LTBP2: variants seen among roughly 807,000 people sequenced by gnomAD.
The protein encoded by LTBP2 is latent-transforming growth factor beta-binding protein 2.
A neutral mutation model predicts 210.6 loss-of-function variants in LTBP2; 103 were observed. That is an observed-to-expected ratio of 0.49 (90% CI 0.42 to 0.58). The LOEUF (loss-of-function observed/expected upper bound fraction) is 0.58, where lower values mean the gene tolerates loss of function less well. Among genes scored for constraint, LTBP2 ranks in the 20% least tolerant of loss-of-function variants. LTBP2 has a pLI of 0.00. For missense variants in LTBP2, 2,313 were observed against 2,494.5 expected (o/e 0.93, Z 1.55); for synonymous variants, 1,007 against 1,015.0 (o/e 0.99, Z 0.15).
chr14:74,524,944 C>T (rs1595252932), intron 15 of LTBP2, among the ~76,000 whole-genome samples, 180 bp downstream of exon 15: 1 of 152,328 alleles, frequency 6.6e-6, no homozygotes, highest in Admixed American at 6.5e-5. Flanking sequence ...AAGAGGGACC[C>T]TGTGTTCTTT....
intron 14 of LTBP2, 84 bp downstream of exon 14, chr14:74,525,991 T>TCA (rs2087267198): frequency 7.1e-7 from 1 of 1,403,980 alleles, no homozygotes; most frequent in African/African-American, 1.4e-5. Context: ...GTGAACCAGC[T>TCA]CACACATAGT....
At chr14:74,537,219 C>T (rs4899523) in intron 8 of LTBP2, among the ~76,000 whole-genome samples, 44,722 of 151,408 alleles carry the variant, frequency 0.3, 7,106 homozygotes, top group Middle Eastern at 0.37. Flanking sequence ...ATCTCCATTA[C>T]TTTGGAGGAA....
intron 2 of LTBP2, among the ~76,000 whole-genome samples, chr14:74,592,839 T>C (rs767682890): frequency 5.3e-5 from 8 of 152,160 alleles, no homozygotes; most frequent in Non-Finnish European, 1.0e-4. Flanking sequence ...CCCCAGCCCC[T>C]GGGACAGTAC....
intron 33 of LTBP2, 129 bp from the exon 34 acceptor site, chr14:74,503,063 C>A (rs1327827099): frequency 1.4e-6 from 2 of 1,475,778 alleles, no homozygotes; most frequent in African/African-American, 2.8e-5. Flanking sequence ...CCTCTCCCCA[C>A]CTCTCCCCTG....
rs189939559 is a variant in LTBP2 at position 74,509,063 on chromosome 14, C to G, written c.3404-111G>C. On this transcript the variant is annotated intron_variant, in intron 22 of 35. Coordinates refer to ENST00000261978, the MANE Select transcript of LTBP2 (RefSeq NM_000428.3). ...TCACCTGCCTGCAGAGCTGGACCCA[C>G]GGGGGATCATCCCCTCATGAGGCAG... 1.8e-5 allele frequency: 29 copies of G among 1,573,794 alleles called. No individual in the cohort carries two copies. The Admixed American group carries it at 2.4e-4, about 13-fold the overall frequency.
chr14:74,611,956 GC>G lies in LTBP2; in HGVS notation c.-13del, dbSNP rs1441061394. The G allele has an allele frequency of 6.4e-7, 1 of 1,562,762 alleles. No homozygotes were observed. The highest frequency in any genetic ancestry group is 8.6e-7 in the Non-Finnish European group (1 of 1,160,516). On this transcript the variant is annotated 5_prime_UTR_variant, in exon 1 of 36. Coordinates refer to ENST00000261978, the MANE Select transcript of LTBP2 (RefSeq NM_000428.3). ...GTCCGCGGCCTCATGGCGCGGGGCG[GC>G]TGGAGAGTGGTGCGCGCGGGCACCG...
In LTBP2 at chr14:74,585,984, G is replaced by C; in HGVS notation, c.700C>G (p.Leu234Val). The C allele has an allele frequency of 6.2e-7, 1 of 1,612,572 alleles. No individual in the cohort carries two copies. The highest frequency in any genetic ancestry group is 8.5e-7 in the Non-Finnish European group (1 of 1,179,430). The change falls in exon 3 of 36, where the codon CTG becomes GTG. Residue 234 changes from leucine (L) to valine (V), a missense_variant. Transcript: ENST00000261978. The part of the protein sequence containing the change: ...DEEFDPQNSR[L>V]APRRWAERSP... ...CGCTCGGCCCAGCGTCGAGGTGCCA[G>C]CCTGGAGTTCTGGGGGTCAAATTCC...
At chr14:74,558,681 T>A (rs2087758500) in intron 3 of LTBP2, among the ~76,000 whole-genome samples, 1 of 152,210 alleles carries the variant, frequency 6.6e-6, no homozygotes, top group Admixed American at 6.5e-5. Context: ...TGGTTTGTTG[T>A]CATTGTTATG....
At chr14:74,578,847 C>T (rs922805970) in intron 3 of LTBP2, among the ~76,000 whole-genome samples, 2 of 152,172 alleles carry the variant, frequency 1.3e-5, no homozygotes, top group African/African-American at 4.8e-5. Context: ...GTTCCTGGCA[C>T]CTAGGCTTTT....
chr14:74,535,842 G>C, intron 9 of LTBP2, 84 bp downstream of exon 9: 1 of 1,233,702 alleles, frequency 8.1e-7, no homozygotes, highest in Admixed American at 1.8e-5. Context: ...GAGACCACTC[G>C]GCCAGTGACA....
chr14:74,508,054 G>C lies in LTBP2; in HGVS notation c.3694C>G (p.His1232Asp), dbSNP rs2087013538. The change falls in exon 25 of 36, where the codon CAC becomes GAC. Residue 1232 changes from histidine (H) to aspartate (D), a missense_variant. His to Asp is a moderately conservative substitution (Grantham distance 81, BLOSUM62 -1). Coordinates refer to ENST00000261978, the MANE Select transcript of LTBP2 (RefSeq NM_000428.3). ...AAGGAGCCCTCGGTGTTGACACAGT[G>C]CCCTCCCACACACGGGTCTGTGGTG... ...CATTDPCVGG[H>D]CVNTEGSFNC... 8.1e-6 allele frequency: 13 copies of C among 1,613,946 alleles called. No homozygotes were observed. The East Asian group carries it at 2.9e-4, about 36-fold the overall frequency.
intron 9 of LTBP2, among the ~76,000 whole-genome samples, chr14:74,533,267 T>C (rs559187534): frequency 1.2e-4 from 19 of 152,384 alleles, no homozygotes; most frequent in Non-Finnish European, 2.6e-4. Flanking sequence ...GTCCTCATTT[T>C]ACAGGAGAAG....
At chr14:74,514,114 C>T (rs1035815503) in intron 18 of LTBP2, among the ~76,000 whole-genome samples, 2 of 152,256 alleles carry the variant, frequency 1.3e-5, no homozygotes, top group African/African-American at 4.8e-5. Context: ...ACCAGCTACT[C>T]TGAGGCTGTC....
rs2086912127 is a variant in LTBP2, at chr14:74,501,608, G to C, written c.5171-18C>G. The C allele has an allele frequency of 6.2e-7, 1 of 1,613,764 alleles. No individual in the cohort carries two copies. Among genetic ancestry groups the C allele is most frequent in the African/African-American group, 1.3e-5 (1 of 75,046 alleles). ...TGGGGGCTCTGGGAGGAGGAAATCGGAGAGAGGAGGAGGCTGAGGGCTGTG... is the reference window on the plus strand; with the variant it reads ...TGGGGGCTCTGGGAGGAGGAAATCGCAGAGAGGAGGAGGCTGAGGGCTGTG... On this transcript the variant is annotated intron_variant, in intron 34 of 35. Transcript: ENST00000261978.
chr14:74,523,715 T>C (rs1034599870), intron 15 of LTBP2, among the ~76,000 whole-genome samples: 2 of 152,124 alleles, frequency 1.3e-5, no homozygotes, highest in African/African-American at 4.8e-5. Flanking sequence ...ACTTAGAACA[T>C]GCCAAATGGA....
chr14:74,510,922 T>C (rs1184792273), intron 19 of LTBP2, among the ~76,000 whole-genome samples: 1 of 152,140 alleles, frequency 6.6e-6, no homozygotes, highest in Non-Finnish European at 1.5e-5. Context: ...CCCTGGGAAC[T>C]GCAGAAGGGC....
intron 8 of LTBP2, among the ~76,000 whole-genome samples, chr14:74,537,962 C>T (rs565492081): frequency 2.0e-5 from 3 of 152,298 alleles, no homozygotes; most frequent in Non-Finnish European, 2.9e-5. Flanking sequence ...ACCATGTTGG[C>T]CAGGCTGGTT....
chr14:74,611,620 C>T lies in LTBP2; in HGVS notation c.325G>A (p.Ala109Thr). The T allele has an allele frequency of 3.2e-6, 5 of 1,560,282 alleles. No individual in the cohort carries two copies. The highest frequency in any genetic ancestry group is 4.3e-6 in the Non-Finnish European group (5 of 1,158,798). The change falls in exon 1 of 36, where the codon GCG becomes ACG. Residue 109 changes from alanine to threonine, a missense_variant. Ala to Thr is a moderately conservative substitution (Grantham distance 58, BLOSUM62 0). This residue lies in a region of LTBP2 where 1,867 missense variants were observed against 1,976.9 expected (regional missense o/e 0.94). Transcript: ENST00000261978. ...TEAEARRPSR[A>T]QQSRRVQPPA... ...GGCTGGACACGCCGCGACTGCTGCG[C>T]GCGGGACGGCCTCCTGGCCTCCGCC... is the stretch of plus-strand genomic sequence containing the variant.
chr14:74,527,893 G>A (rs910001391), intron 12 of LTBP2, among the ~76,000 whole-genome samples: 3 of 152,196 alleles, frequency 2.0e-5, no homozygotes, highest in African/African-American at 7.2e-5. Context: ...CAGATTCCTG[G>A]AGCAGTTTGA....
Sources: gnomAD v4.1 joint callset for allele counts (sites outside exome capture counted in the v4.1 genomes callset) on GRCh38, gnomAD v4.1.1 for gene constraint, gnomAD v4.1.1 regional missense constraint, MANE v1.5 for transcripts, NCBI Gene and HGNC (gene_info 2026-07-23, HGNC 2026-07-21) for gene names.